Variants in PCDHA1 observed in about 807,000 individuals in gnomAD.
PCDHA1 encodes protocadherin alpha-1.
PCDHA1 carries 42 observed loss-of-function variants against 61.3 expected under a neutral mutation model. That is an observed-to-expected ratio of 0.69 (90% CI 0.54 to 0.89). PCDHA1 has a LOEUF of 0.89. PCDHA1 is among the 40% of genes least tolerant of loss of function. The pLI is 0.00. For missense variants in PCDHA1, 1,256 were observed against 1,235.3 expected, an observed-to-expected ratio of 1.02 and a Z score of -0.25; for synonymous variants, 610 against 553.8, an observed-to-expected ratio of 1.10 and a Z score of -1.43.
At chr5:140,977,141 C>T (rs1264237183) in intron 1 of PCDHA1, among the ~76,000 whole-genome samples, 1 of 152,204 alleles carries the variant, frequency 6.6e-6, no homozygotes, top group Non-Finnish European at 1.5e-5. Flanking sequence ...GTCAGTCCTG[C>T]TGGAACTGTG....
In PCDHA1 at chr5:140,857,169, C is replaced by T. The variant is rs199584063; in HGVS notation, c.2394+68485C>T. On this transcript the variant is annotated intron_variant, in intron 1 of 3. Coordinates refer to ENST00000504120, the MANE Select transcript of PCDHA1 (RefSeq NM_018900.4). ...ACCGTCATTGCCCTAATCAGCGTTTCTGACCATGATTCAGGAGCCAACGGA... is the reference window on the plus strand; with the variant it reads ...ACCGTCATTGCCCTAATCAGCGTTTTTGACCATGATTCAGGAGCCAACGGA... 2.2e-5 allele frequency: 35 copies of T among 1,598,474 alleles called. 1 individual carries two copies. The East Asian group carries it at 7.4e-4, about 34-fold the overall frequency.
chr5:140,878,856 G>T (rs1210501065), intron 1 of PCDHA1, among the ~76,000 whole-genome samples: 1 of 152,168 alleles, frequency 6.6e-6, no homozygotes, highest in Admixed American at 6.5e-5. Flanking sequence ...GGGTTCAACT[G>T]ATCCTCCATT....
At chr5:140,872,598 A>G (rs1211346027) in intron 1 of PCDHA1, among the ~76,000 whole-genome samples, 1 of 152,158 alleles carries the variant, frequency 6.6e-6, no homozygotes, top group African/African-American at 2.4e-5. Context: ...CCCCCATCTG[A>G]AAAAATAATT....
chr5:140,829,768 C>T (rs2150174166), intron 1 of PCDHA1: 18 of 1,613,762 alleles, frequency 1.1e-5, no homozygotes, highest in African/African-American at 5.3e-5. Context: ...TGGACGAGAA[C>T]GACAACGCGC....
intron 1 of PCDHA1, among the ~76,000 whole-genome samples, chr5:140,901,034 T>C (rs573919271): frequency 6.6e-6 from 1 of 152,240 alleles, no homozygotes; most frequent in Non-Finnish European, 1.5e-5. Context: ...TCAACTCTTT[T>C]GCCCATTTTA....
chr5:140,797,636 T>C (rs1762249824), intron 1 of PCDHA1, among the ~76,000 whole-genome samples: 1 of 152,244 alleles, frequency 6.6e-6, no homozygotes, highest in Non-Finnish European at 1.5e-5. Context: ...ATTTGTAAAT[T>C]AAACATTTCC....
At chr5:140,841,405 C>A (rs2150314710) in intron 1 of PCDHA1, 18 of 1,613,112 alleles carry the variant, frequency 1.1e-5, no homozygotes, top group South Asian at 4.4e-5. Flanking sequence ...AGGTGGGGAG[C>A]GGCCAGCTCC....
intron 1 of PCDHA1, among the ~76,000 whole-genome samples, chr5:140,826,250 A>G (rs992986952): frequency 6.6e-6 from 1 of 152,180 alleles, no homozygotes; most frequent in African/African-American, 2.4e-5. Context: ...ATATCTCTTT[A>G]TATATCAAGT....
At chr5:140,836,368 C>G (rs183521691) in intron 1 of PCDHA1, 2 of 1,613,746 alleles carry the variant, frequency 1.2e-6, no homozygotes, top group African/African-American at 1.3e-5. Flanking sequence ...CTGACAGCCA[C>G]AGCCACCGTG....
chr5:140,955,030 A>T (rs1453200706), intron 1 of PCDHA1, among the ~76,000 whole-genome samples: 2 of 152,312 alleles, frequency 1.3e-5, no homozygotes, highest in African/African-American at 4.8e-5. Context: ...TTAAATAGGG[A>T]ATCTTTTCCT....
In PCDHA1 at chr5:140,968,167, A is replaced by G. The variant is rs782252124; in HGVS notation, c.2395-10782A>G. 1.3e-4 allele frequency: 217 copies of G among 1,613,958 alleles called. 1 individual carries two copies. The highest frequency in any genetic ancestry group is 9.3e-6 in the Non-Finnish European group (11 of 1,180,038). On this transcript the variant is annotated intron_variant, in intron 1 of 3. Transcript: ENST00000504120. ...TCTCTGACATCAATGACAATCCACC[A>G]AGCTTCCTGGAGGACTCCTATTCCA...
At chr5:141,005,796 AAC>A (rs2098240426) in intron 3 of PCDHA1, among the ~76,000 whole-genome samples, 1 of 151,400 alleles carries the variant, frequency 6.6e-6, no homozygotes, top group Admixed American at 6.6e-5. Flanking sequence ...AGGCAAAAAC[AAC>A]TCCAAGGAGC....
intron 1 of PCDHA1, among the ~76,000 whole-genome samples, chr5:140,818,447 T>C (rs2150101283): frequency 0.059 from 8,929 of 152,300 alleles, 871 homozygotes; most frequent in African/African-American, 0.2. Context: ...TACTGGCTAA[T>C]GTCAAAAGAA....
intron 1 of PCDHA1, among the ~76,000 whole-genome samples, chr5:140,941,206 T>TCTTCCTTC (rs201128549): frequency 1.0e-4 from 10 of 95,674 alleles, no homozygotes; most frequent in African/African-American, 3.6e-4. Flanking sequence ...TTTCTTCCTT[T>TCTTCCTTC]CTTTCTTCCT....
At chr5:140,817,776 G>A (rs1184361600) in intron 1 of PCDHA1, among the ~76,000 whole-genome samples, 1 of 152,060 alleles carries the variant, frequency 6.6e-6, no homozygotes, top group African/African-American at 2.4e-5. Context: ...ATTTCCTTTA[G>A]TGTGGCCTGC....
At chr5:140,821,687 TAA>T in intron 1 of PCDHA1, 1 of 1,378,436 alleles carries the variant, frequency 7.3e-7, no homozygotes, top group Non-Finnish European at 9.9e-7. Flanking sequence ...GGCGATAATA[TAA>T]AAAATATATA....
In PCDHA1 at chr5:140,857,751, C is replaced by T. The variant is rs2044861068; in HGVS notation, c.2394+69067C>T. The T allele has an allele frequency of 3.1e-6, 5 of 1,597,310 alleles. 1 individual carries two copies. Among genetic ancestry groups the T allele is most frequent in the East Asian group, 4.5e-5 (2 of 44,822 alleles). ...AACGCTCCCGCGCTGCTGGCGTCTCCCGCTGGCAGCGCGGGCGGTGCAGTC... is the reference window on the plus strand; with the variant it reads ...AACGCTCCCGCGCTGCTGGCGTCTCTCGCTGGCAGCGCGGGCGGTGCAGTC... On this transcript the variant is annotated intron_variant, in intron 1 of 3. Coordinates refer to ENST00000504120, the MANE Select transcript of PCDHA1 (RefSeq NM_018900.4).
At chr5:140,967,221 A>G (rs1198233262) in intron 1 of PCDHA1, 3 of 1,613,620 alleles carry the variant, frequency 1.9e-6, no homozygotes, top group African/African-American at 1.3e-5. Context: ...CCGCGGCCCA[A>G]CTACCAGCTT....
intron 1 of PCDHA1, among the ~76,000 whole-genome samples, chr5:140,934,086 G>C (rs540895208): frequency 1.3e-5 from 2 of 151,872 alleles, no homozygotes; most frequent in Admixed American, 1.3e-4. Context: ...TCGCTTTGTT[G>C]TATGTTTGCT....
Sources: allele counts gnomAD v4.1 joint callset (sites outside exome capture counted in the v4.1 genomes callset), GRCh38; gene constraint gnomAD v4.1.1; transcripts MANE v1.5; gene names NCBI Gene and HGNC (gene_info 2026-07-23, HGNC 2026-07-21).